The following KRTAP10-8 variants were observed in gnomAD, a reference collection of about 807,000 sequenced individuals.
The protein encoded by KRTAP10-8 is keratin-associated protein 10-8.
For missense variants in KRTAP10-8, 323 were observed against 329.3 expected (o/e 0.98, Z 0.15); for synonymous variants, 153 against 139.5 (o/e 1.10, Z -0.68).
chr21:44,612,805 C>T lies in KRTAP10-8; in HGVS notation c.705C>T (p.Cys235=). 1 of 1,613,488 alleles carries T rather than the reference C, an allele frequency of 6.2e-7. No individual in the cohort carries two copies. The highest frequency in any genetic ancestry group is 8.5e-7 in the Non-Finnish European group (1 of 1,179,958). ...CCTGTTGTGTCCCTGCCTCCTCCTG[C>T]CAGCCCAGCTGCTGCCACCCGGCCT... ...VPSCCVPASS[C]QPSCCHPASC... is the part of the protein sequence containing the mutation. The change falls in exon 1 of 1, where the codon TGC becomes TGT. Residue 235 remains cysteine, a synonymous_variant. Transcript: ENST00000334662. This position sits in a 1 kb window ranked among gnomAD's most constrained non-coding sequence, Gnocchi z 4.1.
At position 44,612,155 on chromosome 21, in the gene KRTAP10-8, G is replaced by C. The variant is rs782101894; in HGVS notation, c.55G>C (p.Val19Leu). The C allele has an allele frequency of 2.0e-5, 33 of 1,613,948 alleles. No individual in the cohort carries two copies. The East Asian group carries it at 2.2e-4, about 11-fold the overall frequency. ...TYVIAASTMS[V>L]CSSDVGHVSR... ...TGTGATTGCTGCATCCACCATGTCT[G>C]TCTGCTCCAGTGACGTGGGCCATGT... The change falls in exon 1 of 1, where the codon GTC becomes CTC. Residue 19 changes from valine to leucine, a missense_variant. Transcript: ENST00000334662. The surrounding 1 kb of genome is among the most constrained non-coding windows in gnomAD (Gnocchi z 4.1).
chr21:44,612,478 C>T lies in KRTAP10-8; in HGVS notation c.378C>T (p.Ser126=). ...GCTGTGTGCCTGTGTGCTGCAAGTC[C>T]AACTGCTGCAAGCCCGTGTGCTGCG... is the stretch of plus-strand genomic sequence containing the variant. ...QACCVPVCCK[S]NCCKPVCCVS... Residue 126 remains serine, a synonymous_variant, in exon 1 of 1, where the codon TCC becomes TCT. Transcript: ENST00000334662. The surrounding 1 kb of genome is among the most constrained non-coding windows in gnomAD (Gnocchi z 4.1). The T allele has an allele frequency of 6.2e-7, 1 of 1,609,538 alleles. No homozygotes were observed. The highest frequency in any genetic ancestry group is 8.5e-7 in the Non-Finnish European group (1 of 1,177,008).
In KRTAP10-8 at chr21:44,612,346, G is replaced by C. The variant is rs782243820; in HGVS notation, c.246G>C (p.Glu82Asp). The change falls in exon 1 of 1, where the codon GAG becomes GAC. Residue 82 changes from glutamate (E) to aspartate (D), a missense_variant. Coordinates refer to ENST00000334662, the MANE Select transcript of KRTAP10-8 (RefSeq NM_198695.2). The surrounding 1 kb of genome is among the most constrained non-coding windows in gnomAD (Gnocchi z 4.1). ...LALVCAPVSC[E>D]PSPCQSGCTD... Reference sequence around the variant, plus strand: ...TGGTCTGTGCCCCAGTGAGCTGTGAGCCCAGCCCCTGCCAATCAGGCTGCA... The same window carrying C: ...TGGTCTGTGCCCCAGTGAGCTGTGACCCCAGCCCCTGCCAATCAGGCTGCA... 1 of 1,613,810 alleles carries C rather than the reference G, an allele frequency of 6.2e-7. No homozygotes were observed. Among genetic ancestry groups the C allele is most frequent in the South Asian group, 1.1e-5 (1 of 91,080 alleles).
At position 44,612,926 on chromosome 21, in the gene KRTAP10-8, C is replaced by A; in HGVS notation, c.*46C>A. The A allele has an allele frequency of 6.3e-7, 1 of 1,598,842 alleles. No individual in the cohort carries two copies. On this transcript the variant is annotated 3_prime_UTR_variant, in exon 1 of 1. Transcript: ENST00000334662. The surrounding 1 kb of genome is among the most constrained non-coding windows in gnomAD (Gnocchi z 4.1). ...GTCCAGCTGCTGATGGGCACGTCCCCCAGGGCCAGCCGGCTCCGGTCCTGT... is the reference window on the plus strand; with the variant it reads ...GTCCAGCTGCTGATGGGCACGTCCCACAGGGCCAGCCGGCTCCGGTCCTGT...
rs1555931398 is a variant in KRTAP10-8 at position 44,612,491 on chromosome 21, C to A, written c.391C>A (p.Pro131Thr). Reference sequence around the variant, plus strand: ...GTGCTGCAAGTCCAACTGCTGCAAGCCCGTGTGCTGCGTGTCCATCTGCTC... The same window carrying A: ...GTGCTGCAAGTCCAACTGCTGCAAGACCGTGTGCTGCGTGTCCATCTGCTC... ...PVCCKSNCCK[P>T]VCCVSICSGA... The change falls in exon 1 of 1, where the codon CCC becomes ACC. Residue 131 changes from proline (P) to threonine (T), a missense_variant. By Grantham distance (38) the Pro-to-Thr change is conservative. Transcript: ENST00000334662. This position sits in a 1 kb window ranked among gnomAD's most constrained non-coding sequence, Gnocchi z 4.1. 6.2e-7 allele frequency: 1 copy of A among 1,609,848 alleles called. No homozygotes were observed. The highest frequency in any genetic ancestry group is 1.7e-5 in the Admixed American group (1 of 59,812).
Position 44,612,907 on chromosome 21 carries a change from C to A in KRTAP10-8, c.*27C>A. ...GCCTCTGCTCAGGCCAGGAGTCCAG[C>A]TGCTGATGGGCACGTCCCCCAGGGC... is the stretch of plus-strand genomic sequence containing the variant. On this transcript the variant is annotated 3_prime_UTR_variant, in exon 1 of 1. Coordinates refer to ENST00000334662, the MANE Select transcript of KRTAP10-8 (RefSeq NM_198695.2). This position sits in a 1 kb window ranked among gnomAD's most constrained non-coding sequence, Gnocchi z 4.1. The A allele has an allele frequency of 1.9e-6, 3 of 1,606,520 alleles. No homozygotes were observed. The highest frequency in any genetic ancestry group is 1.7e-6 in the Non-Finnish European group (2 of 1,177,662).
At position 44,612,169 on chromosome 21, in the gene KRTAP10-8, C is replaced by A. The variant is rs374609546; in HGVS notation, c.69C>A (p.Asp23Glu). The A allele has an allele frequency of 1.2e-6, 2 of 1,614,078 alleles. No individual in the cohort carries two copies. Among genetic ancestry groups the A allele is most frequent in the Non-Finnish European group, 8.5e-7 (1 of 1,180,002 alleles). Reference sequence around the variant, plus strand: ...CCACCATGTCTGTCTGCTCCAGTGACGTGGGCCATGTCAGCCGAGTCTCCT... The same window carrying A: ...CCACCATGTCTGTCTGCTCCAGTGAAGTGGGCCATGTCAGCCGAGTCTCCT... ...AASTMSVCSS[D>E]VGHVSRVSSP... Residue 23 changes from aspartate to glutamate, a missense_variant, in exon 1 of 1, where the codon GAC (aspartate) becomes GAA (glutamate). By Grantham distance (45) the Asp-to-Glu change is conservative. Transcript: ENST00000334662. This position sits in a 1 kb window ranked among gnomAD's most constrained non-coding sequence, Gnocchi z 4.1.
Position 44,612,223 on chromosome 21 carries a change from G to T in KRTAP10-8, c.123G>T (p.Trp41Cys). 6.2e-7 allele frequency: 1 copy of T among 1,613,826 alleles called. No individual in the cohort carries two copies. The change falls in exon 1 of 1, where the codon TGG (tryptophan) becomes TGT (cysteine). Residue 41 changes from tryptophan (W) to cysteine (C), a missense_variant. Physicochemically the swap from Trp to Cys is radical, Grantham distance 215. Transcript: ENST00000334662. The surrounding 1 kb of genome is among the most constrained non-coding windows in gnomAD (Gnocchi z 4.1). Reference protein sequence around the residue: ...SSPSTCTGSSWQVDNCQESCC... With the variant: ...SSPSTCTGSSCQVDNCQESCC... The stretch of plus-strand genomic sequence containing the variant: ...CCAGCACCTGCACTGGCTCCTCCTG[G>T]CAGGTGGACAATTGCCAGGAAAGCT...
Position 44,612,635 on chromosome 21 carries a change from G to A in KRTAP10-8, c.535G>A (p.Val179Ile). ...ICCKPICCVP[V>I]CSGASSLCCQ... ...CTGCAAGCCCATCTGCTGTGTGCCT[G>A]TCTGCTCTGGGGCTTCCTCTCTGTG... Residue 179 changes from valine to isoleucine, a missense_variant, in exon 1 of 1, where the codon GTC becomes ATC. Coordinates refer to ENST00000334662, the MANE Select transcript of KRTAP10-8 (RefSeq NM_198695.2). The surrounding 1 kb of genome is among the most constrained non-coding windows in gnomAD (Gnocchi z 4.1). The A allele has an allele frequency of 6.2e-7, 1 of 1,613,308 alleles. No homozygotes were observed. The highest frequency in any genetic ancestry group is 8.5e-7 in the Non-Finnish European group (1 of 1,179,868).
Position 44,612,635 on chromosome 21 carries a change from G to C in KRTAP10-8, c.535G>C (p.Val179Leu), listed in dbSNP as rs1555931451. ...CTGCAAGCCCATCTGCTGTGTGCCT[G>C]TCTGCTCTGGGGCTTCCTCTCTGTG... Reference protein sequence around the residue: ...ICCKPICCVPVCSGASSLCCQ... With the variant: ...ICCKPICCVPLCSGASSLCCQ... The change falls in exon 1 of 1, where the codon GTC (valine) becomes CTC (leucine). Residue 179 changes from valine to leucine, a missense_variant. By Grantham distance (32) the Val-to-Leu change is conservative. Coordinates refer to ENST00000334662, the MANE Select transcript of KRTAP10-8 (RefSeq NM_198695.2). The surrounding 1 kb of genome is among the most constrained non-coding windows in gnomAD (Gnocchi z 4.1). 1 of 1,613,308 alleles carries C rather than the reference G, an allele frequency of 6.2e-7. No homozygotes were observed. The highest frequency in any genetic ancestry group is 1.1e-5 in the South Asian group (1 of 91,028).
At position 44,612,385 on chromosome 21, in the gene KRTAP10-8, A is replaced by G; in HGVS notation, c.285A>G (p.Thr95=). The G allele has an allele frequency of 6.2e-7, 1 of 1,613,926 alleles. No homozygotes were observed. Among genetic ancestry groups the G allele is most frequent in the Non-Finnish European group, 8.5e-7 (1 of 1,180,002 alleles). Residue 95 remains threonine (T), a synonymous_variant, in exon 1 of 1, where the codon ACA becomes ACG. Coordinates refer to ENST00000334662, the MANE Select transcript of KRTAP10-8 (RefSeq NM_198695.2). The surrounding 1 kb of genome is among the most constrained non-coding windows in gnomAD (Gnocchi z 4.1). The part of the protein sequence containing the change: ...PCQSGCTDSC[T]PSCCQQSSCQ... ...AATCAGGCTGCACCGACTCCTGCACACCTTCATGCTGCCAGCAGTCTAGCT... is the reference window on the plus strand; with the variant it reads ...AATCAGGCTGCACCGACTCCTGCACGCCTTCATGCTGCCAGCAGTCTAGCT...
chr21:44,612,566 T>C lies in KRTAP10-8; in HGVS notation c.466T>C (p.Cys156Arg). ...GCAGTCTAGCTGCCAGTCAGCTTGC[T>C]GCACCTTCTCCCCATGCCAACAGGC... ...CQQSSCQSAC[C>R]TFSPCQQACC... The change falls in exon 1 of 1, where the codon TGC becomes CGC. Residue 156 changes from cysteine to arginine, a missense_variant. Coordinates refer to ENST00000334662, the MANE Select transcript of KRTAP10-8 (RefSeq NM_198695.2). This position sits in a 1 kb window ranked among gnomAD's most constrained non-coding sequence, Gnocchi z 4.1. The C allele has an allele frequency of 6.2e-7, 1 of 1,614,070 alleles. No homozygotes were observed. Among genetic ancestry groups the C allele is most frequent in the East Asian group, 2.2e-5 (1 of 44,880 alleles).
In KRTAP10-8 at chr21:44,612,265, C is replaced by G. The variant is rs372099444; in HGVS notation, c.165C>G (p.Ser55=). 1 of 1,613,638 alleles carries G rather than the reference C, an allele frequency of 6.2e-7. No homozygotes were observed. The highest frequency in any genetic ancestry group is 8.5e-7 in the Non-Finnish European group (1 of 1,180,008). ...NCQESCCEPR[S]CASSCCTPSC... is the part of the protein sequence containing the mutation. ...AGGAAAGCTGCTGCGAGCCCCGCTC[C>G]TGTGCCTCCAGCTGCTGTACCCCTA... The change falls in exon 1 of 1, where the codon TCC becomes TCG. Residue 55 remains serine (S), a synonymous_variant. Coordinates refer to ENST00000334662, the MANE Select transcript of KRTAP10-8 (RefSeq NM_198695.2). This position sits in a 1 kb window ranked among gnomAD's most constrained non-coding sequence, Gnocchi z 4.1.
At position 44,612,674 on chromosome 21, in the gene KRTAP10-8, A is replaced by G. The variant is rs1981787189; in HGVS notation, c.574A>G (p.Ser192Gly). The change falls in exon 1 of 1, where the codon AGC (serine) becomes GGC (glycine). Residue 192 changes from serine to glycine, a missense_variant. By Grantham distance (56) the Ser-to-Gly change is moderately conservative (BLOSUM62 0). Coordinates refer to ENST00000334662, the MANE Select transcript of KRTAP10-8 (RefSeq NM_198695.2). The surrounding 1 kb of genome is among the most constrained non-coding windows in gnomAD (Gnocchi z 4.1). ...TTCCTCTCTGTGCTGCCAGAAGTCT[A>G]GCTGCCAGCCGGCTTGCTGCACCAC... ...GASSLCCQKS[S>G]CQPACCTTSC... is the part of the protein sequence containing the mutation. 1.2e-6 allele frequency: 2 copies of G among 1,613,794 alleles called. No homozygotes were observed. The highest frequency in any genetic ancestry group is 3.3e-5 in the Admixed American group (2 of 59,996).
At chr21:44,612,632 CCTGTCTG>C in the KRTAP10-8 span, 1 of 1,613,812 alleles carries the variant, frequency 6.2e-7, no homozygotes, top group Non-Finnish European at 8.5e-7. The surrounding 1 kb of genome is among the most constrained non-coding windows in gnomAD (Gnocchi z 4.1). Context: ...CTGCTGTGTG[CCTGTCTG>C]CTCTGGGGCT....
chr21:44,612,163 C>T lies in KRTAP10-8; in HGVS notation c.63C>T (p.Ser21=). ...CTGCATCCACCATGTCTGTCTGCTC[C>T]AGTGACGTGGGCCATGTCAGCCGAG... is the stretch of plus-strand genomic sequence containing the variant. ...VIAASTMSVC[S]SDVGHVSRVS... The change falls in exon 1 of 1, where the codon TCC becomes TCT. Residue 21 remains serine, a synonymous_variant. Transcript: ENST00000334662. The surrounding 1 kb of genome is among the most constrained non-coding windows in gnomAD (Gnocchi z 4.1). The T allele has an allele frequency of 2.5e-6, 4 of 1,614,088 alleles. No homozygotes were observed. Among genetic ancestry groups the T allele is most frequent in the Non-Finnish European group, 3.4e-6 (4 of 1,180,008 alleles).
In KRTAP10-8 at chr21:44,612,212, G is replaced by C. The variant is rs782263217; in HGVS notation, c.112G>C (p.Gly38Arg). ...SRVSSPSTCTGSSWQVDNCQE... is the reference protein window; with the variant it reads ...SRVSSPSTCTRSSWQVDNCQE... ...AGTCTCCTCCCCCAGCACCTGCACT[G>C]GCTCCTCCTGGCAGGTGGACAATTG... Residue 38 changes from glycine to arginine, a missense_variant, in exon 1 of 1, where the codon GGC becomes CGC. By Grantham distance (125) the Gly-to-Arg change is moderately radical. Transcript: ENST00000334662. This position sits in a 1 kb window ranked among gnomAD's most constrained non-coding sequence, Gnocchi z 4.1. The C allele has an allele frequency of 5.0e-6, 8 of 1,613,758 alleles. No individual in the cohort carries two copies. The South Asian group carries it at 8.8e-5, about 18-fold the overall frequency.
rs1199512819 is a variant in KRTAP10-8 at position 44,612,392 on chromosome 21, TGCTGCCAGCAGTCTA to T, written c.302_316del (p.Gln101_Gln105del). 3 of 1,614,004 alleles carry T rather than the reference TGCTGCCAGCAGTCTA, an allele frequency of 1.9e-6. No homozygotes were observed. The African/African-American group carries it at 4.0e-5, about 22-fold the overall frequency. On this transcript the variant is annotated inframe_deletion, in exon 1 of 1. Coordinates refer to ENST00000334662, the MANE Select transcript of KRTAP10-8 (RefSeq NM_198695.2). This position sits in a 1 kb window ranked among gnomAD's most constrained non-coding sequence, Gnocchi z 4.1. ...CTGCACCGACTCCTGCACACCTTCA[TGCTGCCAGCAGTCTA>T]GCTGCCAGCCGGCTTGCTGCACCTC...
Position 44,612,574 on chromosome 21 carries a change from C to T in KRTAP10-8, c.474C>T (p.Phe158=). ...QSSCQSACCT[F]SPCQQACCVP... The stretch of plus-strand genomic sequence containing the variant: ...GCTGCCAGTCAGCTTGCTGCACCTT[C>T]TCCCCATGCCAACAGGCCTGCTGTG... Residue 158 remains phenylalanine, a synonymous_variant, in exon 1 of 1, where the codon TTC becomes TTT. Transcript: ENST00000334662. This position sits in a 1 kb window ranked among gnomAD's most constrained non-coding sequence, Gnocchi z 4.1. The T allele has an allele frequency of 2.5e-6, 4 of 1,614,096 alleles. No individual in the cohort carries two copies. Among genetic ancestry groups the T allele is most frequent in the Non-Finnish European group, 3.4e-6 (4 of 1,179,978 alleles).
Sources: gnomAD v4.1 joint callset for allele counts on GRCh38, gnomAD v4.1.1 for gene constraint, Gnocchi (gnomAD v3.1) non-coding constraint, MANE v1.5 for transcripts, NCBI Gene and HGNC (gene_info 2026-07-23, HGNC 2026-07-21) for gene names.